Variants in ROPN1L observed in about 807,000 individuals in gnomAD.
ROPN1L encodes the protein rhophilin associated tail protein 1 like.
A neutral mutation model predicts 22.7 loss-of-function variants in ROPN1L; 23 were observed. The observed-to-expected ratio is 1.01, with a 90% confidence interval of 0.73 to 1.43. The LOEUF is 1.43. Among genes scored for constraint, ROPN1L ranks in the 40% most tolerant of loss-of-function variants. The pLI, the probability that ROPN1L is intolerant of heterozygous loss-of-function variation, is 0.00. For missense variants in ROPN1L, 271 were observed against 291.5 expected, an observed-to-expected ratio of 0.93 and a Z score of 0.51; for synonymous variants, 116 against 117.8, an observed-to-expected ratio of 0.98 and a Z score of 0.10.
chr5:10,466,263 G>A (rs994206744), downstream of ROPN1L, among the ~76,000 whole-genome samples: 2 of 152,132 alleles, frequency 1.3e-5, no homozygotes, highest in Admixed American at 1.3e-4. Flanking sequence ...GACGACTTTG[G>A]GGACAGCTTG....
At chr5:10,472,486 G>C (rs1353118525), downstream of ROPN1L, among the ~76,000 whole-genome samples, 1 of 152,214 alleles carries the variant, frequency 6.6e-6, no homozygotes. Flanking sequence ...GGTGCTGGGA[G>C]AGAGAGGCCC....
At position 10,450,024 on chromosome 5, in the gene ROPN1L, A is replaced by G. The variant is rs1039457216; in HGVS notation, c.328A>G (p.Lys110Glu). Residue 110 changes from lysine (K) to glutamate (E), a missense_variant, in exon 3 of 5, where the codon AAA (lysine) becomes GAA (glutamate). Coordinates refer to ENST00000274134, the MANE Select transcript of ROPN1L (RefSeq NM_031916.5). ...KWKNLCLPKEKFKALLQLDPC... is the reference protein window; with the variant it reads ...KWKNLCLPKEEFKALLQLDPC... ...GAAGAACTTGTGCCTGCCGAAGGAA[A>G]AATTCAAAGCGCTCTTACAACTGGA... The G allele has an allele frequency of 1.9e-6, 3 of 1,613,974 alleles. No individual in the cohort carries two copies. The highest frequency in any genetic ancestry group is 8.5e-7 in the Non-Finnish European group (1 of 1,180,002).
At chr5:10,471,318 T>G (rs1735241663) in intron 4 of ROPN1L, among the ~76,000 whole-genome samples, 1 of 151,960 alleles carries the variant, frequency 6.6e-6, no homozygotes, top group Non-Finnish European at 1.5e-5. Context: ...TTTGTACTTT[T>G]TTTTTTTTTA....
downstream of ROPN1L, among the ~76,000 whole-genome samples, chr5:10,466,124 C>T (rs563908525): frequency 1.3e-5 from 2 of 152,284 alleles, no homozygotes; most frequent in African/African-American, 2.4e-5. Context: ...AGGCCAATAC[C>T]AATGAATACA....
At chr5:10,472,234 A>G (rs1735257935), downstream of ROPN1L, among the ~76,000 whole-genome samples, 1 of 151,590 alleles carries the variant, frequency 6.6e-6, no homozygotes, top group Admixed American at 6.6e-5. Context: ...CCGTGCATTT[A>G]TTATGTATTA....
chr5:10,458,290 C>T (rs1310148298), intron 3 of ROPN1L, among the ~76,000 whole-genome samples: 3 of 151,926 alleles, frequency 2.0e-5, no homozygotes, highest in Non-Finnish European at 4.4e-5. Context: ...CTGCGCCTTT[C>T]AAGTCCCCAT....
chr5:10,464,954 GA>G lies in ROPN1L; in HGVS notation c.*9del. ...TGAAGATGTAGGCCATTAATACAGA[GA>G]AGAATACATTTTAATGTCAAAATAG... is the stretch of plus-strand genomic sequence containing the variant. On this transcript the variant is annotated 3_prime_UTR_variant, in exon 5 of 5. Coordinates refer to ENST00000274134, the MANE Select transcript of ROPN1L (RefSeq NM_031916.5). 6.6e-7 allele frequency: 1 copy of G among 1,506,324 alleles called. No homozygotes were observed. Among genetic ancestry groups the G allele is most frequent in the South Asian group, 1.2e-5 (1 of 81,640 alleles). 93.3% of individuals were successfully genotyped at this position (1,506,324 alleles called of 1,614,324 possible).
downstream of ROPN1L, among the ~76,000 whole-genome samples, chr5:10,468,383 A>T (rs1194891601): frequency 2.0e-5 from 3 of 152,156 alleles, no homozygotes; most frequent in African/African-American, 7.2e-5. Context: ...ATCCCAGAAT[A>T]CTCAGGCAGA....
intron 4 of ROPN1L, among the ~76,000 whole-genome samples, chr5:10,463,457 G>T (rs72740454): frequency 1.3e-5 from 2 of 152,314 alleles, no homozygotes; most frequent in Non-Finnish European, 2.9e-5. Context: ...GTGCTGCAGA[G>T]TAAGCCTGGT....
chr5:10,449,966 G>A lies in ROPN1L; in HGVS notation c.270G>A (p.Arg90=). The change falls in exon 3 of 5, where the codon CGG becomes CGA. Residue 90 remains arginine (R), a synonymous_variant. Coordinates refer to ENST00000274134, the MANE Select transcript of ROPN1L (RefSeq NM_031916.5). ...KVLHKQCHHK[R]YVELTDLEQK... Reference sequence around the variant, plus strand: ...TTTCCAAACAGTGTCACCACAAGCGGTATGTGGAATTAACAGATCTTGAGC... The same window carrying A: ...TTTCCAAACAGTGTCACCACAAGCGATATGTGGAATTAACAGATCTTGAGC... 1 of 1,610,642 alleles carries A rather than the reference G, an allele frequency of 6.2e-7. No homozygotes were observed. Among genetic ancestry groups the A allele is most frequent in the Non-Finnish European group, 8.5e-7 (1 of 1,178,906 alleles).
downstream of ROPN1L, among the ~76,000 whole-genome samples, chr5:10,469,115 A>C (rs567754776): frequency 1.3e-4 from 20 of 152,306 alleles, no homozygotes; most frequent in African/African-American, 4.8e-4. Context: ...AGATCGTGCC[A>C]CTGCACTCCA....
At chr5:10,462,902 C>CAATAAT (rs35234246) in intron 4 of ROPN1L, among the ~76,000 whole-genome samples, 110 of 150,364 alleles carry the variant, frequency 7.3e-4, no homozygotes, top group Admixed American at 1.3e-3. Context: ...ATAATAACAA[C>CAATAAT]AATAATAATA....
chr5:10,458,548 C>T (rs1306954256), intron 3 of ROPN1L, among the ~76,000 whole-genome samples: 1 of 91,282 alleles, frequency 1.1e-5, no homozygotes, highest in Non-Finnish European at 2.2e-5. Flanking sequence ...CCCCCGTGTA[C>T]ACCATCCCCC....
At chr5:10,474,928 T>TA (rs34832128), downstream of ROPN1L, among the ~76,000 whole-genome samples, 23,362 of 152,042 alleles carry the variant, frequency 0.15, 2,964 homozygotes, top group East Asian at 0.67. Flanking sequence ...ATCACACAGT[T>TA]AAAAAAACAA....
At chr5:10,442,415 A>C (rs900443636) in intron 1 of ROPN1L, 117 bp downstream of exon 1, 1 of 1,311,676 alleles carries the variant, frequency 7.6e-7, no homozygotes, top group African/African-American at 1.5e-5. Context: ...TAAGAGTATC[A>C]GGCAAAACTT....
At chr5:10,474,944 A>G (rs1327203078), downstream of ROPN1L, among the ~76,000 whole-genome samples, 1 of 152,226 alleles carries the variant, frequency 6.6e-6, no homozygotes, top group Non-Finnish European at 1.5e-5. Context: ...AACAAGTTTA[A>G]AAGTCTCTAA....
At chr5:10,480,939 G>A in the ROPN1L span, among the ~76,000 whole-genome samples, 1 of 152,126 alleles carries the variant, frequency 6.6e-6, no homozygotes, top group Non-Finnish European at 1.5e-5. Context: ...GTTTGAGCAG[G>A]GGGAGACAGG....
the ROPN1L span, among the ~76,000 whole-genome samples, chr5:10,477,793 G>A: frequency 1.3e-5 from 2 of 152,114 alleles, no homozygotes; most frequent in Non-Finnish European, 2.9e-5. Context: ...AGCTGGGTAT[G>A]GTGGCGTTCA....
intron 3 of ROPN1L, among the ~76,000 whole-genome samples, chr5:10,459,040 G>A (rs1408745495): frequency 1.3e-5 from 2 of 148,456 alleles, no homozygotes; most frequent in Admixed American, 1.4e-4. Flanking sequence ...GGCCTACTAA[G>A]TAGCCACCTG....
Sources: allele counts gnomAD v4.1 joint callset (sites outside exome capture counted in the v4.1 genomes callset), GRCh38; gene constraint gnomAD v4.1.1; transcripts MANE v1.5; gene names NCBI Gene and HGNC (gene_info 2026-07-23, HGNC 2026-07-21).